The following CASKIN1 variants were observed in gnomAD, a reference collection of about 807,000 sequenced individuals.
CASKIN1 encodes CASK interacting protein 1.
A neutral mutation model predicts 117.5 loss-of-function variants in CASKIN1; 42 were observed. The observed-to-expected ratio is 0.36, with a 90% CI of 0.28 to 0.46. The LOEUF (loss-of-function observed/expected upper bound fraction) is 0.46. Ranked by LOEUF, CASKIN1 falls within the 20% of genes least tolerant of loss-of-function variation. The pLI is 1.00. For synonymous variants in CASKIN1, 1,148 were observed against 961.7 expected, an observed-to-expected ratio of 1.19 and a Z score of -3.59; for missense variants, 2,083 against 2,077.3, an observed-to-expected ratio of 1.00 and a Z score of -0.05.
Position 2,196,229 on chromosome 16 carries a change from C to G in CASKIN1, c.94+110G>C. 3.3e-6 allele frequency: 1 copy of G among 306,152 alleles called. No homozygotes were observed. Among genetic ancestry groups the G allele is most frequent in the Non-Finnish European group, 5.5e-6 (1 of 183,062 alleles). 19.0% of individuals were successfully genotyped at this position (306,152 alleles called of 1,614,324 possible). On this transcript the variant is annotated intron_variant, in intron 1 of 19. Coordinates refer to ENST00000343516, the MANE Select transcript of CASKIN1 (RefSeq NM_020764.4). This position sits in a 1 kb window ranked among gnomAD's most constrained non-coding sequence, Gnocchi z 5.7. Reference sequence around the variant, plus strand: ...TCTGGGCGCTGCTGGCCCCGCCCCGCCCCCGGGGACCCGACAACGTCCCCT... The same window carrying G: ...TCTGGGCGCTGCTGGCCCCGCCCCGGCCCCGGGGACCCGACAACGTCCCCT...
intron 1 of CASKIN1, among the ~76,000 whole-genome samples, chr16:2,190,886 T>C (rs1329702497): frequency 6.6e-6 from 1 of 152,068 alleles, no homozygotes; most frequent in African/African-American, 2.4e-5. Flanking sequence ...CCACAGCCAG[T>C]GTGGATGAGC....
Position 2,179,829 on chromosome 16 carries a change from C to T in CASKIN1, c.3539G>A (p.Arg1180Gln), listed in dbSNP as rs1201445298. ...AGGCCCAGCCTGCTCCGAGGCCGGT[C>T]GGCGGCGCACGGTGCCAGTGCCATT... Reference protein sequence around the residue: ...YHNGTGTVRRRPASEQAGPPE... With the variant: ...YHNGTGTVRRQPASEQAGPPE... Residue 1180 changes from arginine to glutamine, a missense_variant, in exon 18 of 20, where the codon CGA becomes CAA. Coordinates refer to ENST00000343516, the MANE Select transcript of CASKIN1 (RefSeq NM_020764.4). This position sits in a 1 kb window ranked among gnomAD's most constrained non-coding sequence, Gnocchi z 5.8. The T allele has an allele frequency of 1.0e-5, 16 of 1,596,264 alleles. No homozygotes were observed. In the East Asian group the frequency reaches 2.3e-4, roughly 23 times the overall value.
chr16:2,190,974 G>A (rs991104843), intron 1 of CASKIN1, among the ~76,000 whole-genome samples: 1 of 152,166 alleles, frequency 6.6e-6, no homozygotes, highest in African/African-American at 2.4e-5. Context: ...TGGCGACTCG[G>A]AGCACCTGAG....
rs974740552 is a variant in CASKIN1 at position 2,178,389 on chromosome 16, G to C, written c.*161C>G. The C allele has an allele frequency of 2.1e-6, 1 of 478,544 alleles. No homozygotes were observed. Among genetic ancestry groups the C allele is most frequent in the African/African-American group, 2.1e-5 (1 of 47,780 alleles). 29.6% of individuals were successfully genotyped at this position (478,544 alleles called of 1,614,324 possible). On this transcript the variant is annotated 3_prime_UTR_variant, in exon 20 of 20. Coordinates refer to ENST00000343516, the MANE Select transcript of CASKIN1 (RefSeq NM_020764.4). ...GAGCCCTTGGAGCCCCCGGCCAGGC[G>C]GTCCCCGGTGGGCGCCCCGGCCCGG...
In CASKIN1 at chr16:2,187,434, A is replaced by G. The variant is rs775833785; in HGVS notation, c.645T>C (p.Ile215=). 6.2e-6 allele frequency: 10 copies of G among 1,608,240 alleles called. No individual in the cohort carries two copies. The highest frequency in any genetic ancestry group is 2.2e-5 in the East Asian group (1 of 44,880). The change falls in exon 7 of 20, where the codon ATT becomes ATC. Residue 215 remains isoleucine, a synonymous_variant. Transcript: ENST00000343516. The part of the protein sequence containing the change: ...IRLLLQAGID[I]NRQTKSGTAL... ...CCGTGCCGGACTTGGTCTGGCGGTT[A>G]ATGTCGATGCCGGCTTGGAGGAGGA...
In CASKIN1 at chr16:2,178,818, G is replaced by A. The variant is rs1352413163; in HGVS notation, c.4199+84C>T. ...TCTCTGCCGAGCCCCGCCCATCTCTGCCGAGCCCCGCCCATCTCTGCCGAG... is the reference window on the plus strand; with the variant it reads ...TCTCTGCCGAGCCCCGCCCATCTCTACCGAGCCCCGCCCATCTCTGCCGAG... On this transcript the variant is annotated intron_variant, in intron 19 of 19. Coordinates refer to ENST00000343516, the MANE Select transcript of CASKIN1 (RefSeq NM_020764.4). 4 of 1,315,656 alleles carry A rather than the reference G, an allele frequency of 3.0e-6. No individual in the cohort carries two copies. In the African/African-American group the frequency reaches 6.9e-5, roughly 23 times the overall value. The allele number at this position is 1,315,656 out of a possible 1,614,324, so 81.5% of individuals were successfully genotyped here. A position where few individuals can be genotyped will look rare whatever the true frequency, so the allele number is the denominator to read the frequency against.
Position 2,178,958 on chromosome 16 carries a change from G to A in CASKIN1, c.4143C>T (p.Ala1381=), listed in dbSNP as rs1285732641. The A allele has an allele frequency of 1.3e-6, 2 of 1,484,402 alleles. No individual in the cohort carries two copies. Among genetic ancestry groups the A allele is most frequent in the Non-Finnish European group, 1.8e-6 (2 of 1,126,396 alleles). 92.0% of individuals were successfully genotyped at this position (1,484,402 alleles called of 1,614,324 possible). Residue 1381 remains alanine (A), a synonymous_variant, in exon 19 of 20, where the codon GCC becomes GCT. Coordinates refer to ENST00000343516, the MANE Select transcript of CASKIN1 (RefSeq NM_020764.4). ...TCTCCTCCACCGCCTGCAGCGCCGC[G>A]GCCAGGCACGCGCTTGTCTCCTCCA... ...QKLEETSACL[A]AALQAVEEKI...
Position 2,182,050 on chromosome 16 carries a change from C to G in CASKIN1, c.1630-121G>C. The G allele has an allele frequency of 7.2e-7, 1 of 1,394,720 alleles. No individual in the cohort carries two copies. Among genetic ancestry groups the G allele is most frequent in the South Asian group, 1.3e-5 (1 of 78,212 alleles). 86.4% of individuals were successfully genotyped at this position (1,394,720 alleles called of 1,614,324 possible). On this transcript the variant is annotated intron_variant, in intron 16 of 19. Transcript: ENST00000343516. The surrounding 1 kb of genome is among the most constrained non-coding windows in gnomAD (Gnocchi z 4.1). ...GGGCACAGACAGACAGGAGGACAAA[C>G]GGATAGGCCGAGGTATTGGCACCAG... is the stretch of plus-strand genomic sequence containing the variant.
chr16:2,189,539 G>A lies in CASKIN1; in HGVS notation c.270C>T (p.Ala90=), dbSNP rs1168792654. ...NKGMRPLHYA[A]WQGRKEPMKL... is the part of the protein sequence containing the mutation. ...TCATGGGCTCCTTCCGGCCCTGCCAGGCCGCATAGTGCAGCGGCCGCATGC... is the reference window on the plus strand; with the variant it reads ...TCATGGGCTCCTTCCGGCCCTGCCAAGCCGCATAGTGCAGCGGCCGCATGC... The change falls in exon 4 of 20, where the codon GCC becomes GCT. Residue 90 remains alanine, a synonymous_variant. Coordinates refer to ENST00000343516, the MANE Select transcript of CASKIN1 (RefSeq NM_020764.4). The A allele has an allele frequency of 6.2e-7, 1 of 1,610,746 alleles. No homozygotes were observed. The highest frequency in any genetic ancestry group is 8.5e-7 in the Non-Finnish European group (1 of 1,179,448).
intron 1 of CASKIN1, among the ~76,000 whole-genome samples, chr16:2,191,462 G>A (rs1190825900): frequency 2.0e-5 from 3 of 152,170 alleles, no homozygotes; most frequent in East Asian, 3.9e-4. Flanking sequence ...GGCTGCTGGC[G>A]CCCTCCCTGA....
rs991457504 is a variant in CASKIN1, at chr16:2,182,433, C to T, written c.1630-504G>A. Among the ~76,000 whole-genome samples the T allele has an allele frequency of 1.3e-5, 2 of 152,134 alleles. No individual in the cohort carries two copies. Among genetic ancestry groups the T allele is most frequent in the Admixed American group, 1.3e-4 (2 of 15,280 alleles). ...CACAACACACACACGTGCCAACACC[C>T]ACAGCAATCTGCACCGAGAAACACC... On this transcript the variant is annotated intron_variant, in intron 16 of 19. Transcript: ENST00000343516. The surrounding 1 kb of genome is among the most constrained non-coding windows in gnomAD (Gnocchi z 4.1).
chr16:2,185,983 A>G (rs2093183174), intron 10 of CASKIN1, among the ~76,000 whole-genome samples: 1 of 151,770 alleles, frequency 6.6e-6, no homozygotes, highest in South Asian at 2.1e-4. Context: ...CCTTTGTTTT[A>G]ATCATTATTT....
rs930096005 is a variant in CASKIN1, at chr16:2,182,095, G to A, written c.1630-166C>T. 6.6e-6 allele frequency among the ~76,000 whole-genome samples: 1 copy of A among 152,154 alleles called. No homozygotes were observed. The highest frequency in any genetic ancestry group is 1.5e-5 in the Non-Finnish European group (1 of 68,026). ...CACCAGAAATGTAGGCAGAGCCTCG[G>A]CTCAGGCACCGGACACTGCATGCCG... is the stretch of plus-strand genomic sequence containing the variant. On this transcript the variant is annotated intron_variant, in intron 16 of 19. Coordinates refer to ENST00000343516, the MANE Select transcript of CASKIN1 (RefSeq NM_020764.4). The surrounding 1 kb of genome is among the most constrained non-coding windows in gnomAD (Gnocchi z 4.1).
Position 2,182,622 on chromosome 16 carries a change from C to T in CASKIN1, c.1630-693G>A, listed in dbSNP as rs191511001. ...GAGCCACCAATTGAGTGAGGCAAGG[C>T]AGGGTGAGTGCAGACCCACGCGCCA... On this transcript the variant is annotated intron_variant, in intron 16 of 19. Coordinates refer to ENST00000343516, the MANE Select transcript of CASKIN1 (RefSeq NM_020764.4). This position sits in a 1 kb window ranked among gnomAD's most constrained non-coding sequence, Gnocchi z 4.1. Among the ~76,000 whole-genome samples the T allele has an allele frequency of 7.9e-5, 12 of 152,354 alleles. No homozygotes were observed. The highest frequency in any genetic ancestry group is 7.2e-4 in the Admixed American group (11 of 15,304).
intron 6 of CASKIN1, 80 bp downstream of exon 6, chr16:2,188,947 G>A: frequency 1.3e-6 from 2 of 1,534,062 alleles, no homozygotes; most frequent in Non-Finnish European, 1.8e-6. Flanking sequence ...CCCCAAGCCA[G>A]AAGCTGGTGC....
rs2093159266 is a variant in CASKIN1 at position 2,179,564 on chromosome 16, G to GC, written c.3775+28dup. 1 of 1,425,206 alleles carries GC rather than the reference G, an allele frequency of 7.0e-7. No individual in the cohort carries two copies. Among genetic ancestry groups the GC allele is most frequent in the African/African-American group, 1.5e-5 (1 of 67,654 alleles). 88.3% of individuals were successfully genotyped at this position (1,425,206 alleles called of 1,614,324 possible). A position where few individuals can be genotyped will look rare whatever the true frequency, so the allele number is the denominator to read the frequency against. On this transcript the variant is annotated intron_variant, in intron 18 of 19. Coordinates refer to ENST00000343516, the MANE Select transcript of CASKIN1 (RefSeq NM_020764.4). The surrounding 1 kb of genome is among the most constrained non-coding windows in gnomAD (Gnocchi z 5.8). ...TAAGGAGGTGGAGCAGGGTCCTGTT[G>GC]CCCCTTCACCCCACCCTGGCTGGCC...
chr16:2,190,742 G>A (rs938426505), intron 1 of CASKIN1, among the ~76,000 whole-genome samples: 4 of 152,170 alleles, frequency 2.6e-5, no homozygotes, highest in African/African-American at 7.2e-5. Flanking sequence ...GGAGAGAGCC[G>A]GCCCAATCTG....
rs374290407 is a variant in CASKIN1 at position 2,180,940 on chromosome 16, G to A, written c.2428C>T (p.Leu810=). Reference sequence around the variant, plus strand: ...ATGGGGCGCTCTGTCGGCGGCAGCAGCTGCGGGGTGGGCTTCACCTTGGCC... The same window carrying A: ...ATGGGGCGCTCTGTCGGCGGCAGCAACTGCGGGGTGGGCTTCACCTTGGCC... The part of the protein sequence containing the change: ...ATAKVKPTPQ[L]LPPTERPMSP... The change falls in exon 18 of 20, where the codon CTG becomes TTG. Residue 810 remains leucine (L), a synonymous_variant. Transcript: ENST00000343516. 2 of 1,463,784 alleles carry A rather than the reference G, an allele frequency of 1.4e-6. No homozygotes were observed. Among genetic ancestry groups the A allele is most frequent in the Non-Finnish European group, 1.8e-6 (2 of 1,113,670 alleles). 90.7% of individuals were successfully genotyped at this position (1,463,784 alleles called of 1,614,324 possible). A position where few individuals can be genotyped will look rare whatever the true frequency, so the allele number is the denominator to read the frequency against.
rs1230540700 is a variant in CASKIN1 at position 2,196,227 on chromosome 16, C to T, written c.94+112G>A. On this transcript the variant is annotated intron_variant, in intron 1 of 19. Coordinates refer to ENST00000343516, the MANE Select transcript of CASKIN1 (RefSeq NM_020764.4). The surrounding 1 kb of genome is among the most constrained non-coding windows in gnomAD (Gnocchi z 5.7). ...GGTCTGGGCGCTGCTGGCCCCGCCC[C>T]GCCCCCGGGGACCCGACAACGTCCC... The T allele has an allele frequency of 9.9e-6, 3 of 304,010 alleles. No homozygotes were observed. The highest frequency in any genetic ancestry group is 6.8e-5 in the African/African-American group (3 of 44,342). The allele number at this position is 304,010 out of a possible 1,614,324, so 18.8% of individuals were successfully genotyped here. A position where few individuals can be genotyped will look rare whatever the true frequency, so the allele number is the denominator to read the frequency against.
Sources: gnomAD v4.1 joint callset for allele counts (sites outside exome capture counted in the v4.1 genomes callset) on GRCh38, gnomAD v4.1.1 for gene constraint, Gnocchi (gnomAD v3.1) non-coding constraint, MANE v1.5 for transcripts, NCBI Gene and HGNC (gene_info 2026-07-23, HGNC 2026-07-21) for gene names.